The following STK3 variants were observed in gnomAD, a reference collection of about 807,000 sequenced individuals.
STK3 encodes the protein serine/threonine kinase 3.
A neutral mutation model predicts 58.0 loss-of-function variants in STK3; 41 were observed. The ratio of observed to expected loss-of-function variants is 0.71; its 90% confidence interval spans 0.55 to 0.92. The LOEUF is 0.92. STK3 is among the 40% of genes least tolerant of loss of function. The probability of loss-of-function intolerance (pLI) is 0.00; values close to 1 mark genes in which losing one functional copy is unlikely to be tolerated. For missense variants in STK3, 479 were observed against 602.7 expected (o/e 0.79, Z 2.15); for synonymous variants, 170 against 191.0 (o/e 0.89, Z 0.91).
chr8:98,491,495 C>T (rs1207735592), intron 10 of STK3, among the ~76,000 whole-genome samples: 1 of 151,550 alleles, frequency 6.6e-6, no homozygotes, highest in African/African-American at 2.4e-5. Context: ...AGTTAGAGTG[C>T]AGTGGCACGA....
At chr8:98,461,987 CGGGTACCTGA>C (rs2131171023) in intron 10 of STK3, among the ~76,000 whole-genome samples, 2 of 151,624 alleles carry the variant, frequency 1.3e-5, no homozygotes, top group East Asian at 3.9e-4. Context: ...GGGTGCATAC[CGGGTACCTGA>C]AATGTTTTGA....
chr8:98,679,978 C>G (rs1823505523), intron 6 of STK3, among the ~76,000 whole-genome samples: 1 of 152,130 alleles, frequency 6.6e-6, no homozygotes. Flanking sequence ...ACCCTGAGAT[C>G]ATATTGCTGT....
intron 6 of STK3, among the ~76,000 whole-genome samples, chr8:98,649,056 C>CA (rs199732980): frequency 0.014 from 1,236 of 89,034 alleles, 1 homozygote; most frequent in Middle Eastern, 0.015. Context: ...GACTCTGTCT[C>CA]AAAAAAAAAA....
chr8:98,572,608 T>C (rs989793950), intron 8 of STK3, among the ~76,000 whole-genome samples: 1 of 152,200 alleles, frequency 6.6e-6, no homozygotes, highest in Non-Finnish European at 1.5e-5. Context: ...ATTTTAAAAG[T>C]TGCTAAAAAT....
At chr8:98,598,795 C>T in intron 6 of STK3, 5 of 985,300 alleles carry the variant, frequency 5.1e-6, no homozygotes, top group African/African-American at 1.7e-5. Context: ...CATGATTATC[C>T]TTGTGTTTGT....
At chr8:98,648,352 A>G (rs945853652) in intron 6 of STK3, among the ~76,000 whole-genome samples, 1 of 152,220 alleles carries the variant, frequency 6.6e-6, no homozygotes, top group African/African-American at 2.4e-5. Flanking sequence ...AATGTATTCA[A>G]CTTTTCCCAC....
chr8:98,430,642 C>T (rs1457463724), intron 3 of STK3: 2 of 167,018 alleles, frequency 1.2e-5, no homozygotes, highest in Non-Finnish European at 1.5e-5. Flanking sequence ...GAAGCATGTA[C>T]TCAAAATATA....
chr8:98,930,195 C>A (rs1482186912), intron 1 of STK3, among the ~76,000 whole-genome samples: 2 of 152,120 alleles, frequency 1.3e-5, no homozygotes, highest in African/African-American at 2.4e-5. Context: ...TCCCTCACTA[C>A]CCTGGGGAGG....
chr8:98,369,868 A>G (rs111598370), downstream of STK3, among the ~76,000 whole-genome samples: 58 of 152,264 alleles, frequency 3.8e-4, 1 homozygote, highest in African/African-American at 1.4e-3. Flanking sequence ...CAAGCTCCCA[A>G]GCACATCTGA....
At chr8:98,888,795 A>G (rs1255864393) in intron 1 of STK3, among the ~76,000 whole-genome samples, 1 of 152,244 alleles carries the variant, frequency 6.6e-6, no homozygotes, top group African/African-American at 2.4e-5. Context: ...TTGAACTAGC[A>G]CACCAGTCAC....
At chr8:98,725,455 CAGTTAAAAGTACACTCT>C (rs1827731660) in intron 4 of STK3, among the ~76,000 whole-genome samples, 1 of 152,148 alleles carries the variant, frequency 6.6e-6, no homozygotes, top group Middle Eastern at 3.4e-3. Context: ...AGGAATGAAG[CAGTTAAAAGTACACTCT>C]AGTTAAAAGT....
chr8:98,397,930 C>T (rs1817909613), downstream of STK3, among the ~76,000 whole-genome samples: 1 of 152,170 alleles, frequency 6.6e-6, no homozygotes, highest in South Asian at 2.1e-4. Flanking sequence ...ACCATTCTTC[C>T]TGCACAGCCT....
intron 3 of STK3, among the ~76,000 whole-genome samples, chr8:98,849,678 G>T (rs752472192): frequency 6.6e-6 from 1 of 152,024 alleles, no homozygotes; most frequent in Non-Finnish European, 1.5e-5. Flanking sequence ...AGCTTGCTCT[G>T]CTTGACAACA....
intron 1 of STK3, among the ~76,000 whole-genome samples, chr8:98,920,358 G>A (rs942480327): frequency 3.9e-5 from 6 of 152,214 alleles, no homozygotes; most frequent in Non-Finnish European, 8.8e-5. Context: ...CAAACTCATG[G>A]AAATTAGCAG....
At chr8:98,614,788 C>T (rs1024180944) in intron 6 of STK3, among the ~76,000 whole-genome samples, 6 of 152,210 alleles carry the variant, frequency 3.9e-5, no homozygotes, top group African/African-American at 1.4e-4. Context: ...CTATATCCCA[C>T]ACCTGGCTTG....
chr8:98,836,563 A>G (rs1248415061), intron 3 of STK3, among the ~76,000 whole-genome samples: 1 of 152,180 alleles, frequency 6.6e-6, no homozygotes, highest in Non-Finnish European at 1.5e-5. Flanking sequence ...TTACTAGCCA[A>G]TCCCTTGTTA....
At chr8:98,832,128 A>G (rs973626391) in intron 3 of STK3, among the ~76,000 whole-genome samples, 2 of 152,094 alleles carry the variant, frequency 1.3e-5, no homozygotes, top group African/African-American at 4.8e-5. Flanking sequence ...TGGCCATCCC[A>G]CAATCTGGGA....
At chr8:98,380,626 A>C (rs911617408) in intron 1 of STK3, among the ~76,000 whole-genome samples, 3 of 152,210 alleles carry the variant, frequency 2.0e-5, no homozygotes, top group African/African-American at 7.2e-5. Context: ...CTCTTCTTTC[A>C]GCAATGTATG....
chr8:98,764,285 G>A (rs1830809257), intron 3 of STK3, among the ~76,000 whole-genome samples: 1 of 152,118 alleles, frequency 6.6e-6, no homozygotes, highest in African/African-American at 2.4e-5. Context: ...ACAAGAATAA[G>A]TACCTGATTT....
Sources: allele counts gnomAD v4.1 joint callset (sites outside exome capture counted in the v4.1 genomes callset), GRCh38; gene constraint gnomAD v4.1.1; transcripts MANE v1.5; gene names NCBI Gene and HGNC (gene_info 2026-07-23, HGNC 2026-07-21).